KCP: variants seen among roughly 807,000 people sequenced by gnomAD.
KCP encodes the protein kielin cysteine rich BMP regulator.
Under a neutral mutation model 212.7 loss-of-function variants are expected in KCP, and 194 were observed. The ratio of observed to expected loss-of-function variants is 0.91; its 90% CI spans 0.81 to 1.03. The LOEUF is 1.03. KCP is among the 50% of genes least tolerant of loss of function. KCP has a pLI of 0.00. For missense variants in KCP, 2,080 were observed against 2,162.5 expected, an observed-to-expected ratio of 0.96 and a Z score of 0.76; for synonymous variants, 833 against 865.3, an observed-to-expected ratio of 0.96 and a Z score of 0.65.
intron 3 of KCP, 21 bp downstream of exon 3, chr7:128,907,243 G>A (rs763440893): frequency 6.5e-7 from 1 of 1,536,446 alleles, no homozygotes; most frequent in South Asian, 1.2e-5. Flanking sequence ...GGCCCCAGTG[G>A]GCGGATAGGG....
chr7:128,877,862 G>A, intron 38 of KCP, 72 bp from the exon 39 acceptor site: 1 of 1,350,508 alleles, frequency 7.4e-7, no homozygotes, highest in South Asian at 1.4e-5. Context: ...GCTCTTCAAA[G>A]CACTTCCCAC....
rs1275229807 is a variant in KCP at position 128,885,245 on chromosome 7, G to T, written c.2892C>A (p.His964Gln). The change falls in exon 27 of 40, where the codon CAC becomes CAA. Residue 964 changes from histidine (H) to glutamine (Q), a missense_variant. His to Gln is a conservative substitution (Grantham distance 24). Coordinates refer to ENST00000610776, the MANE Select transcript of KCP (RefSeq NM_001366122.1). ...GGGGCACCCATCTACTGCCTTCGGG[G>T]TGCTCTTCCCCATGAGCCAGGCAGC... ...CRGCLAHGEE[H>Q]PEGSRWVPPD... 1.3e-6 allele frequency: 2 copies of T among 1,547,956 alleles called. No homozygotes were observed. Among genetic ancestry groups the T allele is most frequent in the Non-Finnish European group, 1.7e-6 (2 of 1,144,778 alleles).
In KCP at chr7:128,890,881, G is replaced by A. The variant is rs891572470; in HGVS notation, c.2164+24C>T. 71 of 1,249,846 alleles carry A rather than the reference G, an allele frequency of 5.7e-5. 1 individual carries two copies. The African/African-American group carries it at 1.0e-3, about 18-fold the overall frequency. 77.4% of individuals were successfully genotyped at this position (1,249,846 alleles called of 1,614,324 possible). A position where few individuals can be genotyped will look rare whatever the true frequency, so the allele number is the denominator to read the frequency against. On this transcript the variant is annotated intron_variant, in intron 20 of 39. Transcript: ENST00000610776. ...CGGGGCGGCAGGACGCGGGTGGCCG[G>A]GAGGGGCACCGCCAGGGCGTTACCG...
chr7:128,880,103 C>T lies in KCP; in HGVS notation c.3760-18G>A, dbSNP rs1254739325. On this transcript the variant is annotated intron_variant, in intron 34 of 39. Coordinates refer to ENST00000610776, the MANE Select transcript of KCP (RefSeq NM_001366122.1). Reference sequence around the variant, plus strand: ...GCCTTGTCCTGCACTCAGCCCCAGACACTGTCAGACACACCGCCCTCCCCG... The same window carrying T: ...GCCTTGTCCTGCACTCAGCCCCAGATACTGTCAGACACACCGCCCTCCCCG... 2.0e-6 allele frequency: 3 copies of T among 1,505,572 alleles called. No individual in the cohort carries two copies. The highest frequency in any genetic ancestry group is 2.7e-6 in the Non-Finnish European group (3 of 1,122,556). 93.3% of individuals were successfully genotyped at this position (1,505,572 alleles called of 1,614,324 possible).
In KCP at chr7:128,879,780, G is replaced by C. The variant is rs1029377518; in HGVS notation, c.3982C>G (p.Gln1328Glu). The change falls in exon 36 of 40, where the codon CAG becomes GAG. Residue 1328 changes from glutamine (Q) to glutamate (E), a missense_variant. Gln to Glu is a conservative substitution (Grantham distance 29). Coordinates refer to ENST00000610776, the MANE Select transcript of KCP (RefSeq NM_001366122.1). ...DRGRSGVAWT[Q>E]EVAVLLGDMA... ...TCTCCCAGCAGCACCGCCACCTCCT[G>C]GGTCCAGGCCACACCGCTCCGGCCC... 6.4e-7 allele frequency: 1 copy of C among 1,550,690 alleles called. No individual in the cohort carries two copies. Among genetic ancestry groups the C allele is most frequent in the Non-Finnish European group, 8.7e-7 (1 of 1,146,990 alleles).
At chr7:128,881,746 G>A (rs1266417229) in intron 30 of KCP, 21 bp from the exon 31 acceptor site, 1 of 1,523,368 alleles carries the variant, frequency 6.6e-7, no homozygotes, top group Non-Finnish European at 8.9e-7. Flanking sequence ...GAACACAAGA[G>A]GTAGAGAATG....
chr7:128,896,282 T>G (rs559867576), intron 8 of KCP, among the ~76,000 whole-genome samples: 1 of 152,192 alleles, frequency 6.6e-6, no homozygotes, highest in East Asian at 1.9e-4. Flanking sequence ...GAGGCCCAGC[T>G]TAGGGGAATT....
Position 128,885,077 on chromosome 7 carries a change from C to T in KCP, c.3040+20G>A, listed in dbSNP as rs1443313872. 6.4e-7 allele frequency: 1 copy of T among 1,550,602 alleles called. No homozygotes were observed. ...GGGCTCCCTCCTCGCCTTTCCCCTC[C>T]CGCCCCAGGCTTCCAGTACCAGAGC... On this transcript the variant is annotated intron_variant, in intron 27 of 39. Coordinates refer to ENST00000610776, the MANE Select transcript of KCP (RefSeq NM_001366122.1).
chr7:128,891,628 C>T lies in KCP; in HGVS notation c.1795+18G>A. 2.0e-6 allele frequency: 3 copies of T among 1,484,010 alleles called. No homozygotes were observed. The highest frequency in any genetic ancestry group is 2.7e-6 in the Non-Finnish European group (3 of 1,114,406). 91.9% of individuals were successfully genotyped at this position (1,484,010 alleles called of 1,614,324 possible). A position where few individuals can be genotyped will look rare whatever the true frequency, so the allele number is the denominator to read the frequency against. ...TGCCATCCCATCCCAGAAGGCCGCCCTGACCCGCCCACCTCACCGCTGCAG... is the reference window on the plus strand; with the variant it reads ...TGCCATCCCATCCCAGAAGGCCGCCTTGACCCGCCCACCTCACCGCTGCAG... On this transcript the variant is annotated intron_variant, in intron 17 of 39. Coordinates refer to ENST00000610776, the MANE Select transcript of KCP (RefSeq NM_001366122.1).
chr7:128,892,024 C>T (rs116734576), intron 16 of KCP, among the ~76,000 whole-genome samples: 2,171 of 152,306 alleles, frequency 0.014, 62 homozygotes, highest in African/African-American at 0.05. Flanking sequence ...CATTCACCTG[C>T]AGGCAGATGT....
chr7:128,886,611 C>G (rs1266879980), intron 25 of KCP, 44 bp downstream of exon 25: 2 of 1,550,790 alleles, frequency 1.3e-6, no homozygotes, highest in South Asian at 2.4e-5. Context: ...CCCAGAGGTG[C>G]TATGGTCCAG....
intron 37 of KCP, 100 bp from the exon 38 acceptor site, chr7:128,878,822 T>A: frequency 8.2e-7 from 1 of 1,222,526 alleles, no homozygotes; most frequent in Non-Finnish European, 1.1e-6. Context: ...GTGCGGCCAG[T>A]GCTGTAGGGG....
At chr7:128,879,859 G>T in intron 35 of KCP, 30 bp from the exon 36 acceptor site, 1 of 1,551,060 alleles carries the variant, frequency 6.4e-7, no homozygotes, top group South Asian at 1.2e-5. Flanking sequence ...AGGTGCCAAT[G>T]GTCAGCAGGG....
At position 128,877,252 on chromosome 7, in the gene KCP, G is replaced by A. The variant is rs764663822; in HGVS notation, c.4678C>T (p.Arg1560Cys). Residue 1560 changes from arginine (R) to cysteine (C), a missense_variant, in exon 40 of 40, where the codon CGC becomes TGC. Coordinates refer to ENST00000610776, the MANE Select transcript of KCP (RefSeq NM_001366122.1). ...VFDECGPPCPRTCFNQHIPLG... is the reference protein window; with the variant it reads ...VFDECGPPCPCTCFNQHIPLG... ...GGGATATGCTGATTGAAGCAGGTGC[G>A]GGGACAGGGTGGGCCGCACTCATCA... 66 of 1,489,054 alleles carry A rather than the reference G, an allele frequency of 4.4e-5. No individual in the cohort carries two copies. The highest frequency in any genetic ancestry group is 3.8e-4 in the Middle Eastern group (2 of 5,242). 92.2% of individuals were successfully genotyped at this position (1,489,054 alleles called of 1,614,324 possible).
Position 128,887,519 on chromosome 7 carries a change from T to A in KCP, c.2513-219A>T, listed in dbSNP as rs76414762. ...CGCATATACACACAGCAGGTGGGAG[T>A]GCAACAGAAAACCTGCCATCAACAG... is the stretch of plus-strand genomic sequence containing the variant. On this transcript the variant is annotated intron_variant, in intron 22 of 39. Transcript: ENST00000610776. Among the ~76,000 whole-genome samples, 14 of 105,500 alleles carry A rather than the reference T, an allele frequency of 1.3e-4. No individual in the cohort carries two copies. In the East Asian group the frequency reaches 2.2e-3, roughly 17 times the overall value. The allele number at this position is 105,500 out of a possible 152,430, so 69.2% of individuals were successfully genotyped here.
intron 38 of KCP, 52 bp downstream of exon 38, chr7:128,878,506 A>G: frequency 6.0e-6 from 9 of 1,510,850 alleles, no homozygotes; most frequent in Non-Finnish European, 7.1e-6. Context: ...TCTGAGACTC[A>G]TGCTCAGCTG....
In KCP at chr7:128,886,473, G is replaced by A. The variant is rs1168336168; in HGVS notation, c.2857C>T (p.Arg953Cys). ...CTACAGGCGGCCATACCTCTGCAGCGAGGGCAGCAGCTCCCCCGCTCGGTG... is the reference window on the plus strand; with the variant it reads ...CTACAGGCGGCCATACCTCTGCAGCAAGGGCAGCAGCTCCCCCGCTCGGTG... ...QVTERGSCCP[R>C]CRGCLAHGEE... Residue 953 changes from arginine (R) to cysteine (C), a missense_variant, in exon 26 of 40, where the codon CGC becomes TGC. Physicochemically the swap from Arg to Cys is radical, Grantham distance 180 (BLOSUM62 -3). Coordinates refer to ENST00000610776, the MANE Select transcript of KCP (RefSeq NM_001366122.1). 2.6e-5 allele frequency: 41 copies of A among 1,548,946 alleles called. No individual in the cohort carries two copies. The highest frequency in any genetic ancestry group is 1.8e-4 in the Middle Eastern group (1 of 5,496).
intron 9 of KCP, 33 bp from the exon 10 acceptor site, chr7:128,894,088 G>A (rs1408897489): frequency 3.9e-6 from 6 of 1,539,504 alleles, no homozygotes; most frequent in Non-Finnish European, 5.3e-6. Context: ...ATGTTCCTCA[G>A]GGGCCCCTCC....
rs537185410 is a variant in KCP at position 128,890,869 on chromosome 7, C to T, written c.2164+36G>A. Reference sequence around the variant, plus strand: ...TCCGGGGCGGGGCGGGGCGGCAGGACGCGGGTGGCCGGGAGGGGCACCGCC... The same window carrying T: ...TCCGGGGCGGGGCGGGGCGGCAGGATGCGGGTGGCCGGGAGGGGCACCGCC... On this transcript the variant is annotated intron_variant, in intron 20 of 39. Transcript: ENST00000610776. 2.6e-3 allele frequency: 3,198 copies of T among 1,233,592 alleles called. 58 individuals are homozygous for T. In the African/African-American group the frequency reaches 0.042, roughly 16 times the overall value. 76.4% of individuals were successfully genotyped at this position (1,233,592 alleles called of 1,614,324 possible). A position where few individuals can be genotyped will look rare whatever the true frequency, so the allele number is the denominator to read the frequency against.
Sources: gnomAD v4.1 joint callset for allele counts (sites outside exome capture counted in the v4.1 genomes callset) on GRCh38, gnomAD v4.1.1 for gene constraint, MANE v1.5 for transcripts, NCBI Gene and HGNC (gene_info 2026-07-23, HGNC 2026-07-21) for gene names.